The following TUSC3 variants were observed in gnomAD, a reference collection of about 807,000 sequenced individuals.
The protein encoded by TUSC3 is dolichyl-diphosphooligosaccharide--protein glycosyltransferase subunit TUSC3.
Under a neutral mutation model 44.8 loss-of-function variants are expected in TUSC3, and 45 were observed. That is an observed-to-expected ratio of 1.00 (90% CI 0.79 to 1.29). TUSC3 has a LOEUF of 1.29. Ranked by LOEUF, TUSC3 falls within the 50% of genes most tolerant of loss-of-function variation. The probability of loss-of-function intolerance (pLI) is 0.00; values close to 1 mark genes in which losing one functional copy is unlikely to be tolerated. For synonymous variants in TUSC3, 212 were observed against 152.9 expected (o/e 1.39, Z -2.85); for missense variants, 519 against 437.9 (o/e 1.19, Z -1.65).
At chr8:15,793,106 C>A in the TUSC3 span, among the ~76,000 whole-genome samples, 1 of 152,110 alleles carries the variant, frequency 6.6e-6, no homozygotes, top group Admixed American at 6.6e-5. Context: ...TCCTGTGCTT[C>A]TATGTAAGGT....
chr8:15,839,919 C>T, the TUSC3 span, among the ~76,000 whole-genome samples: 3 of 152,314 alleles, frequency 2.0e-5, no homozygotes, highest in South Asian at 2.1e-4. Flanking sequence ...TATAAAGGCA[C>T]ATGCACACAT....
rs60092911 is a variant in TUSC3, at chr8:15,483,649, ATTTT to A, written n.189+187_189+190del. On this transcript the variant is annotated intron_variant and non_coding_transcript_variant, in intron 2 of 5. Transcript: ENST00000503191. ...CCGTCGTGCCCAGCCTAGCACTGTG[ATTTT>A]TTTTTTTTTTTTTTTTTTTTGAGAC... Among the ~76,000 whole-genome samples the A allele has an allele frequency of 3.1e-3, 205 of 66,148 alleles. 3 individuals carry two copies. Among genetic ancestry groups the A allele is most frequent in the Admixed American group, 7.3e-3 (31 of 4,228 alleles). The allele number at this position is 66,148 out of a possible 152,430, so 43.4% of individuals were successfully genotyped here. A position where few individuals can be genotyped will look rare whatever the true frequency, so the allele number is the denominator to read the frequency against.
At chr8:15,719,495 TCACACACACA>T (rs60355164) in intron 6 of TUSC3, among the ~76,000 whole-genome samples, 3 of 145,334 alleles carry the variant, frequency 2.1e-5, no homozygotes, top group South Asian at 2.3e-4. Flanking sequence ...ATACAGTTCA[TCACACACACA>T]CACACACACA....
intron 1 of TUSC3, among the ~76,000 whole-genome samples, chr8:15,458,162 G>T (rs901266628): frequency 2.0e-5 from 3 of 152,014 alleles, no homozygotes; most frequent in Non-Finnish European, 4.4e-5. Context: ...TGACGAGATG[G>T]GTTAAAGTCA....
intron 9 of TUSC3, among the ~76,000 whole-genome samples, chr8:15,756,291 G>C (rs922745545): frequency 6.6e-6 from 1 of 151,978 alleles, no homozygotes; most frequent in African/African-American, 2.4e-5. Flanking sequence ...ATTTAACTTG[G>C]TTAAGCCTGT....
chr8:15,634,440 T>C (rs1022791357), intron 2 of TUSC3, among the ~76,000 whole-genome samples: 1 of 152,218 alleles, frequency 6.6e-6, no homozygotes, highest in African/African-American at 2.4e-5. Flanking sequence ...GACTGAGCTA[T>C]GGCCACAGGA....
Position 15,618,283 on chromosome 8 carries a change from T to G in TUSC3, c.139-4797T>G, listed in dbSNP as rs1057312042. 2.6e-5 allele frequency among the ~76,000 whole-genome samples: 4 copies of G among 152,324 alleles called. No individual in the cohort carries two copies. The South Asian group carries it at 8.3e-4, about 32-fold the overall frequency. On this transcript the variant is annotated intron_variant, in intron 1 of 10. Coordinates refer to ENST00000503731, the MANE Select transcript of TUSC3 (RefSeq NM_006765.4). ...AAATTAACTTTACCCTACTAGAACT[T>G]TTTTTAAAAGTTTTTAATTTTTTTT... is the stretch of plus-strand genomic sequence containing the variant.
At chr8:15,467,532 C>G (rs1028459236) in intron 1 of TUSC3, among the ~76,000 whole-genome samples, 7 of 152,118 alleles carry the variant, frequency 4.6e-5, no homozygotes, top group African/African-American at 1.7e-4. Context: ...TGATCTTATT[C>G]TGAACTGCCA....
At chr8:15,707,841 A>C (rs1010802416) in intron 6 of TUSC3, among the ~76,000 whole-genome samples, 4 of 151,910 alleles carry the variant, frequency 2.6e-5, no homozygotes, top group Non-Finnish European at 5.9e-5. Context: ...TACAAAATCA[A>C]AAGATTAGCG....
At chr8:15,499,883 C>T (rs193218954) in intron 2 of TUSC3, among the ~76,000 whole-genome samples, 13 of 152,028 alleles carry the variant, frequency 8.6e-5, no homozygotes, top group African/African-American at 2.4e-4. Flanking sequence ...TACATACATA[C>T]GTACACACAC....
At chr8:15,523,664 ATGTGTGTGTGTGTGTG>A (rs869090876) in intron 2 of TUSC3, among the ~76,000 whole-genome samples, 27 of 42,458 alleles carry the variant, frequency 6.4e-4, no homozygotes, top group South Asian at 2.3e-3. Flanking sequence ...ATATATATAT[ATGTGTGTGTGTGTGTG>A]TGTGTGTGTG....
At chr8:15,833,172 C>T in the TUSC3 span, among the ~76,000 whole-genome samples, 4 of 152,102 alleles carry the variant, frequency 2.6e-5, no homozygotes, top group Admixed American at 2.6e-4. Flanking sequence ...CTATCTCACA[C>T]CAGTCAGAAT....
At chr8:15,430,941 C>G (rs73189470) in intron 1 of TUSC3, among the ~76,000 whole-genome samples, 1 of 151,686 alleles carries the variant, frequency 6.6e-6, no homozygotes, top group Non-Finnish European at 1.5e-5. Context: ...TTATTGTTGA[C>G]TGTCCTTTCC....
chr8:15,445,630 G>C (rs1037912343), intron 1 of TUSC3, among the ~76,000 whole-genome samples: 1 of 152,178 alleles, frequency 6.6e-6, no homozygotes, highest in East Asian at 1.9e-4. Context: ...GCACTGGGTT[G>C]GGGGTAAGGT....
intron 1 of TUSC3, 137 bp downstream of exon 1, chr8:15,540,705 A>T: frequency 3.3e-6 from 4 of 1,205,934 alleles, no homozygotes; most frequent in Non-Finnish European, 1.1e-6. Context: ...GGGAGCCGCG[A>T]GGGTGGGAGG....
chr8:15,520,399 A>T (rs1043719726), intron 2 of TUSC3, among the ~76,000 whole-genome samples: 1 of 152,192 alleles, frequency 6.6e-6, no homozygotes, highest in South Asian at 2.1e-4. Context: ...TCATCTCCTC[A>T]TTTGTAAATG....
intron 5 of TUSC3, among the ~76,000 whole-genome samples, chr8:15,666,590 T>C (rs569842906): frequency 1.8e-4 from 28 of 151,628 alleles, no homozygotes; most frequent in African/African-American, 6.7e-4. Context: ...AAGTTACAGA[T>C]GGCTTTGAGT....
intron 1 of TUSC3, among the ~76,000 whole-genome samples, chr8:15,577,537 G>A (rs1391367963): frequency 6.7e-6 from 1 of 149,390 alleles, no homozygotes; most frequent in African/African-American, 2.5e-5. Flanking sequence ...CATATGGCTA[G>A]CCAGTTTTCC....
At chr8:15,733,484 A>T (rs1810807025) in intron 7 of TUSC3, 1 of 312,492 alleles carries the variant, frequency 3.2e-6, no homozygotes. Flanking sequence ...TGTTGAGATC[A>T]TCCTTTTATT....
Sources: gnomAD v4.1 joint callset for allele counts (sites outside exome capture counted in the v4.1 genomes callset) on GRCh38, gnomAD v4.1.1 for gene constraint, MANE v1.5 for transcripts, NCBI Gene and HGNC (gene_info 2026-07-23, HGNC 2026-07-21) for gene names.